Variants in ALMS1 observed in about 807,000 individuals in gnomAD.
ALMS1 encodes the protein ALMS1 centrosome and basal body associated protein.
A neutral mutation model predicts 352.2 loss-of-function variants in ALMS1; 271 were observed. The ratio of observed to expected loss-of-function variants is 0.77; its 90% CI spans 0.70 to 0.85. The LOEUF is 0.85. Among genes scored for constraint, ALMS1 ranks in the 40% least tolerant of loss-of-function variants. The probability of loss-of-function intolerance (pLI) is 0.00; values close to 1 mark genes in which losing one functional copy is unlikely to be tolerated. For missense variants in ALMS1, 5,445 were observed against 4,870.7 expected (o/e 1.12, Z -3.51); for synonymous variants, 1,865 against 1,761.2 (o/e 1.06, Z -1.48).
Position 73,385,931 on chromosome 2 carries a change from GGAGGAGGAGGAA to G in ALMS1, c.74_85del (p.Glu25_Glu28del), listed in dbSNP as rs1553396147. The G allele has an allele frequency of 6.5e-6, 7 of 1,084,180 alleles. No individual in the cohort carries two copies. Among genetic ancestry groups the G allele is most frequent in the African/African-American group, 4.7e-5 (3 of 63,650 alleles). 67.2% of individuals were successfully genotyped at this position (1,084,180 alleles called of 1,614,324 possible). On this transcript the variant is annotated inframe_deletion, in exon 1 of 23. Coordinates refer to ENST00000613296, the MANE Select transcript of ALMS1 (RefSeq NM_001378454.1). ...AGGAGGAGGAGGAGGAGGAGGAGGAGGAGGAGGAGGAAGAGGAGGAGGCTGCAGCGGCGGCGG... is the reference window on the plus strand; with the variant it reads ...AGGAGGAGGAGGAGGAGGAGGAGGAGGAGGAGGAGGCTGCAGCGGCGGCGG...
At chr2:73,606,358 T>A (rs1264837310) in intron 21 of ALMS1, among the ~76,000 whole-genome samples, 1 of 152,236 alleles carries the variant, frequency 6.6e-6, no homozygotes, top group African/African-American at 2.4e-5. Context: ...TGCTTCATTC[T>A]AACTCAGTCA....
chr2:73,470,785 A>G (rs1331553143), intron 9 of ALMS1: 1 of 151,768 alleles, frequency 6.6e-6, no homozygotes, highest in Non-Finnish European at 1.5e-5. Flanking sequence ...AGGTACTCTA[A>G]TGTTGGGTGT....
chr2:73,511,718 G>T (rs546340861), intron 10 of ALMS1, among the ~76,000 whole-genome samples: 6 of 152,234 alleles, frequency 3.9e-5, no homozygotes, highest in African/African-American at 1.4e-4. Flanking sequence ...ACCTCTCAGG[G>T]AACATGGGAA....
chr2:73,443,274 T>G (rs1671751430), intron 7 of ALMS1, among the ~76,000 whole-genome samples: 1 of 152,212 alleles, frequency 6.6e-6, no homozygotes, highest in Admixed American at 6.5e-5. Context: ...AGCCTTATAC[T>G]TGCCTCTTTT....
chr2:73,508,856 A>G (rs147178861), intron 10 of ALMS1, among the ~76,000 whole-genome samples: 2 of 152,132 alleles, frequency 1.3e-5, no homozygotes, highest in African/African-American at 4.8e-5. Flanking sequence ...GTGGGAGTCT[A>G]AGTCTCTTTG....
At chr2:73,429,747 T>C (rs549022567) in intron 6 of ALMS1, among the ~76,000 whole-genome samples, 73 of 152,326 alleles carry the variant, frequency 4.8e-4, no homozygotes, top group Non-Finnish European at 8.7e-4. Context: ...TATACCCTAA[T>C]ATTTGTCTAA....
At chr2:73,444,639 C>T (rs534154136) in intron 7 of ALMS1, among the ~76,000 whole-genome samples, 5 of 152,274 alleles carry the variant, frequency 3.3e-5, no homozygotes, top group African/African-American at 1.2e-4. Context: ...AATTTTATTA[C>T]ATTTAACTTG....
At chr2:73,551,255 G>T (rs1249587232) in intron 13 of ALMS1, among the ~76,000 whole-genome samples, 1 of 151,762 alleles carries the variant, frequency 6.6e-6, no homozygotes, top group Non-Finnish European at 1.5e-5. Flanking sequence ...CTGCCCTTTG[G>T]CTCGCATTCA....
At chr2:73,481,420 T>A (rs919689157) in intron 9 of ALMS1, among the ~76,000 whole-genome samples, 1 of 152,212 alleles carries the variant, frequency 6.6e-6, no homozygotes. Flanking sequence ...GGCTCTGTTC[T>A]GTTCCATTGA....
chr2:73,419,971 T>C (rs577443016), intron 3 of ALMS1, among the ~76,000 whole-genome samples: 1 of 152,240 alleles, frequency 6.6e-6, no homozygotes, highest in African/African-American at 2.4e-5. Context: ...AAACTAATGC[T>C]ATCCAAATCA....
chr2:73,423,923 A>G (rs1257562284), intron 4 of ALMS1, among the ~76,000 whole-genome samples: 1 of 152,016 alleles, frequency 6.6e-6, no homozygotes. Flanking sequence ...TACTACAGGC[A>G]TGTGCCACCA....
At chr2:73,513,711 C>G (rs968420043) in intron 10 of ALMS1, among the ~76,000 whole-genome samples, 3 of 152,190 alleles carry the variant, frequency 2.0e-5, no homozygotes, top group Non-Finnish European at 4.4e-5. Flanking sequence ...TGCTTGGGCT[C>G]TAACTCCACA....
intron 16 of ALMS1, among the ~76,000 whole-genome samples, chr2:73,577,263 G>A (rs1675072780): frequency 6.6e-6 from 1 of 152,130 alleles, no homozygotes; most frequent in African/African-American, 2.4e-5. Context: ...GAATTCACCA[G>A]TAAAGCCATC....
rs1233634389 is a variant in ALMS1 at position 73,608,518 on chromosome 2, G to T, written c.12406G>T (p.Glu4136Ter). The T allele has an allele frequency of 6.2e-7, 1 of 1,614,076 alleles. No individual in the cohort carries two copies. The highest frequency in any genetic ancestry group is 1.1e-5 in the South Asian group (1 of 91,060). The change falls in exon 22 of 23, where the codon GAG (glutamate) becomes TAG (stop). Residue 4136 changes from glutamate to a stop codon, truncating the protein, a stop_gained. Transcript: ENST00000613296. LOFTEE classifies it high-confidence loss of function. The stretch of plus-strand genomic sequence containing the variant: ...AGAAGTACAGAAAAAGAGAGAAGAA[G>T]AGAAGAGAAAATCAGAATATAAGTC... ...LPEVQKKREE[E>*]KRKSEYKSYR...
intron 9 of ALMS1, among the ~76,000 whole-genome samples, chr2:73,462,997 C>T (rs1196201560): frequency 6.6e-6 from 1 of 152,128 alleles, no homozygotes; most frequent in African/African-American, 2.4e-5. Flanking sequence ...GACTCCCACA[C>T]AATAACAATG....
At chr2:73,462,577 T>G (rs1403784724) in intron 9 of ALMS1, among the ~76,000 whole-genome samples, 1 of 152,178 alleles carries the variant, frequency 6.6e-6, no homozygotes, top group Non-Finnish European at 1.5e-5. Context: ...GCTAACATCA[T>G]AATGACAGGA....
intron 16 of ALMS1, among the ~76,000 whole-genome samples, chr2:73,586,355 C>A (rs1461634854): frequency 6.6e-6 from 1 of 152,084 alleles, no homozygotes; most frequent in African/African-American, 2.4e-5. Flanking sequence ...CCAGTGTTAT[C>A]TTACAGAATT....
At chr2:73,484,628 C>G (rs1222611015) in intron 9 of ALMS1, among the ~76,000 whole-genome samples, 1 of 151,794 alleles carries the variant, frequency 6.6e-6, no homozygotes, top group Non-Finnish European at 1.5e-5. Flanking sequence ...GCCTGCCTTG[C>G]TAGATTGGGG....
At chr2:73,598,725 G>A (rs1167121749) in intron 16 of ALMS1, among the ~76,000 whole-genome samples, 3 of 152,058 alleles carry the variant, frequency 2.0e-5, no homozygotes, top group Non-Finnish European at 4.4e-5. Context: ...CCTTATTAAC[G>A]ATGGAGATAT....
Sources: gnomAD v4.1 joint callset for allele counts (sites outside exome capture counted in the v4.1 genomes callset) on GRCh38, gnomAD v4.1.1 for gene constraint, MANE v1.5 for transcripts, NCBI Gene and HGNC (gene_info 2026-07-23, HGNC 2026-07-21) for gene names.